SGK3: variants seen among roughly 807,000 people sequenced by gnomAD.
SGK3 encodes the protein serum/glucocorticoid regulated kinase family member 3.
In SGK3, 47 loss-of-function variants were observed where a neutral mutation model predicts 68.5. The ratio of observed to expected loss-of-function variants is 0.69; its 90% CI spans 0.54 to 0.87. The LOEUF (loss-of-function observed/expected upper bound fraction) is 0.87. Among genes scored for constraint, SGK3 ranks in the 40% least tolerant of loss-of-function variants. SGK3 has a pLI of 0.00. For synonymous variants in SGK3, 181 were observed against 189.1 expected (o/e 0.96, Z 0.35); for missense variants, 479 against 575.5 (o/e 0.83, Z 1.72).
chr8:66,778,523 C>G (rs771043420), intron 1 of SGK3, among the ~76,000 whole-genome samples: 10 of 152,222 alleles, frequency 6.6e-5, no homozygotes, highest in Non-Finnish European at 1.5e-4. Flanking sequence ...GTCTCGATCT[C>G]CTGACCTCAT....
At chr8:66,816,337 C>CT (rs1177867449) in intron 5 of SGK3, among the ~76,000 whole-genome samples, 5,263 of 114,150 alleles carry the variant, frequency 0.046, 220 homozygotes, top group East Asian at 0.12. Flanking sequence ...GTGACATTTC[C>CT]TTTTTTTTTT....
intron 6 of SGK3, among the ~76,000 whole-genome samples, chr8:66,828,047 C>T (rs1194675827): frequency 4.0e-5 from 6 of 151,468 alleles, no homozygotes; most frequent in Admixed American, 2.6e-4. Flanking sequence ...TGACGTGAAG[C>T]GGGGAGGCGG....
At chr8:66,820,215 T>C (rs778236725) in intron 5 of SGK3, among the ~76,000 whole-genome samples, 4 of 152,190 alleles carry the variant, frequency 2.6e-5, no homozygotes, top group Non-Finnish European at 4.4e-5. Flanking sequence ...AAAGAAACTT[T>C]ACCTCCAAAT....
chr8:66,826,099 A>T (rs1469222562), intron 6 of SGK3, among the ~76,000 whole-genome samples: 2 of 151,980 alleles, frequency 1.3e-5, no homozygotes, highest in African/African-American at 2.4e-5. Context: ...CAGCCTCCCA[A>T]GTAGCTGGGA....
At chr8:66,820,705 T>C (rs1808775964) in intron 5 of SGK3, among the ~76,000 whole-genome samples, 1 of 151,640 alleles carries the variant, frequency 6.6e-6, no homozygotes, top group Non-Finnish European at 1.5e-5. Context: ...TTTTCCTATT[T>C]TGTTTATTTA....
In SGK3 at chr8:66,846,142, A is replaced by G. The variant is rs531604965; in HGVS notation, c.1075-1051A>G. 5.7e-4 allele frequency among the ~76,000 whole-genome samples: 86 copies of G among 152,198 alleles called. 1 individual carries two copies. The highest frequency in any genetic ancestry group is 2.0e-3 in the African/African-American group (82 of 41,528). ...AAGAACAGTAACATTTTACATGGTA[A>G]TTCCCTCTTTGGAAAAATGTTTCTG... On this transcript the variant is annotated intron_variant, in intron 14 of 16. Transcript: ENST00000521198.
At chr8:66,834,894 C>G (rs1251498042) in intron 8 of SGK3, among the ~76,000 whole-genome samples, 1 of 148,616 alleles carries the variant, frequency 6.7e-6, no homozygotes, top group Non-Finnish European at 1.5e-5. Context: ...GAGCCGAGAT[C>G]GCGCCACTGC....
chr8:66,824,511 A>G (rs1808975228), intron 6 of SGK3, among the ~76,000 whole-genome samples: 1 of 152,214 alleles, frequency 6.6e-6, no homozygotes, highest in Non-Finnish European at 1.5e-5. Context: ...GTAAGGTAAA[A>G]CAAGCACCCT....
chr8:66,841,144 C>A, intron 13 of SGK3, 34 bp downstream of exon 13: 3 of 1,451,868 alleles, frequency 2.1e-6, no homozygotes, highest in South Asian at 2.8e-5. Flanking sequence ...TTTATATAAT[C>A]ATGTATAAAA....
intron 1 of SGK3, among the ~76,000 whole-genome samples, chr8:66,788,737 G>A (rs1369069261): frequency 6.6e-6 from 1 of 152,146 alleles, no homozygotes; most frequent in East Asian, 1.9e-4. Context: ...GGATATCCTG[G>A]GTCAGACCAG....
At chr8:66,792,455 T>G (rs1219836430) in intron 1 of SGK3, among the ~76,000 whole-genome samples, 2 of 152,180 alleles carry the variant, frequency 1.3e-5, no homozygotes, top group East Asian at 1.9e-4. Flanking sequence ...TACCTGAATA[T>G]TCAATGCCTG....
intron 1 of SGK3, among the ~76,000 whole-genome samples, chr8:66,728,794 C>T (rs919830374): frequency 4.6e-5 from 7 of 151,888 alleles, no homozygotes; most frequent in Non-Finnish European, 1.0e-4. Flanking sequence ...GTGGTGTGTA[C>T]CTATAGTCCT....
chr8:66,742,126 G>C (rs779552669), intron 1 of SGK3, among the ~76,000 whole-genome samples: 1 of 152,178 alleles, frequency 6.6e-6, no homozygotes, highest in Non-Finnish European at 1.5e-5. Flanking sequence ...TCTTAAGGCT[G>C]AATCTTAGGT....
chr8:66,743,822 T>G (rs561220109), intron 1 of SGK3, among the ~76,000 whole-genome samples: 1 of 152,362 alleles, frequency 6.6e-6, no homozygotes, highest in East Asian at 1.9e-4. Context: ...GCTAATTTTT[T>G]TTGTACTTGT....
chr8:66,814,735 G>T (rs1808510592), intron 5 of SGK3, among the ~76,000 whole-genome samples: 1 of 152,180 alleles, frequency 6.6e-6, no homozygotes, highest in African/African-American at 2.4e-5. Flanking sequence ...TGTCTCATGC[G>T]GACAGGTTTA....
intron 2 of SGK3, among the ~76,000 whole-genome samples, chr8:66,797,590 A>G (rs2130587974): frequency 6.6e-6 from 1 of 152,332 alleles, no homozygotes; most frequent in Non-Finnish European, 1.5e-5. Flanking sequence ...ATATGAGGTT[A>G]TGTATATTTG....
At chr8:66,716,472 T>TTG (rs1257140992) in intron 1 of SGK3, among the ~76,000 whole-genome samples, 1 of 150,064 alleles carries the variant, frequency 6.7e-6, no homozygotes, top group Non-Finnish European at 1.5e-5. Flanking sequence ...ACTTGAGAAA[T>TTG]TGGACAAAGT....
chr8:66,770,302 T>C (rs1806466689), intron 1 of SGK3, among the ~76,000 whole-genome samples: 1 of 152,220 alleles, frequency 6.6e-6, no homozygotes, highest in Non-Finnish European at 1.5e-5. Context: ...TTCTGTTTCT[T>C]TGCATGCCTT....
chr8:66,780,926 G>A (rs181201446), intron 1 of SGK3, among the ~76,000 whole-genome samples: 3 of 152,290 alleles, frequency 2.0e-5, no homozygotes, highest in Non-Finnish European at 4.4e-5. Flanking sequence ...GTTCTCCCAA[G>A]AGACTCTATG....
Sources: allele counts gnomAD v4.1 joint callset (sites outside exome capture counted in the v4.1 genomes callset), GRCh38; gene constraint gnomAD v4.1.1; transcripts MANE v1.5; gene names NCBI Gene and HGNC (gene_info 2026-07-23, HGNC 2026-07-21).